Variants in PHTF1 observed in about 807,000 individuals in gnomAD.
The protein encoded by PHTF1 is protein PHTF1.
Under a neutral mutation model 102.4 loss-of-function variants are expected in PHTF1, and 88 were observed. The observed-to-expected ratio is 0.86, with a 90% CI of 0.72 to 1.03. The LOEUF (loss-of-function observed/expected upper bound fraction) is 1.03, where lower values mean the gene tolerates loss of function less well. Ranked by LOEUF, PHTF1 falls within the 50% of genes least tolerant of loss-of-function variation. The pLI, the probability that PHTF1 is intolerant of heterozygous loss-of-function variation, is 0.00. For synonymous variants in PHTF1, 289 were observed against 305.2 expected (o/e 0.95, Z 0.55); for missense variants, 814 against 909.5 (o/e 0.89, Z 1.35).
chr1:113,751,412 T>C (rs6678843), intron 3 of PHTF1, among the ~76,000 whole-genome samples: 92 of 152,332 alleles, frequency 6.0e-4, no homozygotes, highest in African/African-American at 1.9e-3. Flanking sequence ...CCTCAATCCA[T>C]AGGCAACTTT....
intron 3 of PHTF1, among the ~76,000 whole-genome samples, chr1:113,754,218 C>T (rs1433911819): frequency 2.6e-5 from 4 of 152,102 alleles, no homozygotes; most frequent in Non-Finnish European, 5.9e-5. Flanking sequence ...CGAGACCAGC[C>T]TGGACAACAT....
chr1:113,748,895 T>C (rs1343718748), intron 3 of PHTF1, among the ~76,000 whole-genome samples: 1 of 152,226 alleles, frequency 6.6e-6, no homozygotes, highest in Non-Finnish European at 1.5e-5. Context: ...CTATAGTCTA[T>C]TTTTTAAGCA....
chr1:113,726,379 C>T, intron 6 of PHTF1, 39 bp downstream of exon 6: 1 of 1,399,390 alleles, frequency 7.1e-7, no homozygotes, highest in Non-Finnish European at 9.9e-7. Flanking sequence ...AATAACTCTC[C>T]CAGAAAATAT....
At chr1:113,758,870 A>C in intron 1 of PHTF1, 137 bp from the exon 2 acceptor site, 1 of 1,306,418 alleles carries the variant, frequency 7.7e-7, no homozygotes. Flanking sequence ...GGAAAACACA[A>C]CAAACAAACA....
At chr1:113,719,380 T>C (rs1285778235) in intron 7 of PHTF1, among the ~76,000 whole-genome samples, 1 of 152,210 alleles carries the variant, frequency 6.6e-6, no homozygotes, top group African/African-American at 2.4e-5. Flanking sequence ...ATAAAACTGA[T>C]TGCCTTTAAC....
intron 3 of PHTF1, among the ~76,000 whole-genome samples, chr1:113,748,415 C>G (rs895669569): frequency 6.6e-6 from 1 of 152,180 alleles, no homozygotes; most frequent in African/African-American, 2.4e-5. Flanking sequence ...ACATTTCCTG[C>G]ATGAATTGCA....
intron 10 of PHTF1, among the ~76,000 whole-genome samples, chr1:113,710,725 C>T (rs1449793582): frequency 6.6e-6 from 1 of 150,694 alleles, no homozygotes; most frequent in Non-Finnish European, 1.5e-5. Context: ...CAAACTCGGG[C>T]TCAAATGATC....
intron 3 of PHTF1, among the ~76,000 whole-genome samples, chr1:113,751,857 T>C (rs1557975080): frequency 6.6e-6 from 1 of 152,242 alleles, no homozygotes; most frequent in East Asian, 1.9e-4. Flanking sequence ...AGAAGAGTTG[T>C]AGTTCCTCCA....
intron 7 of PHTF1, among the ~76,000 whole-genome samples, chr1:113,718,358 C>T (rs1652397326): frequency 1.3e-5 from 2 of 152,226 alleles, no homozygotes; most frequent in South Asian, 4.1e-4. Flanking sequence ...TCCCTCCTGG[C>T]TGCTTTCACA....
rs774522219 is a variant in PHTF1, at chr1:113,752,385, ATTTTTTTTTTTT to A, written c.102+5302_102+5313del. ...CTTGCCACATTCATTTGTTACTGTAATTTTTTTTTTTTTTTTTTTTTTTTTTTTTTTTGAGAC... is the reference window on the plus strand; with the variant it reads ...CTTGCCACATTCATTTGTTACTGTAATTTTTTTTTTTTTTTTTTTTGAGAC... On this transcript the variant is annotated intron_variant, in intron 3 of 18. Coordinates refer to ENST00000369604, the MANE Select transcript of PHTF1 (RefSeq NM_001323043.2). 9.2e-3 allele frequency among the ~76,000 whole-genome samples: 443 copies of A among 47,896 alleles called. 1 individual carries two copies. The highest frequency in any genetic ancestry group is 0.041 in the South Asian group (62 of 1,518). The allele number at this position is 47,896 out of a possible 152,430, so 31.4% of individuals were successfully genotyped here.
At chr1:113,727,537 G>A (rs12752932) in intron 5 of PHTF1, among the ~76,000 whole-genome samples, 34,507 of 152,128 alleles carry the variant, frequency 0.23, 4,615 homozygotes, top group South Asian at 0.39. Flanking sequence ...TTATCTCAGC[G>A]TTTAGAAGAA....
intron 2 of PHTF1, among the ~76,000 whole-genome samples, chr1:113,758,130 T>C (rs926633866): frequency 6.8e-6 from 1 of 147,254 alleles, no homozygotes; most frequent in African/African-American, 2.5e-5. Context: ...GCGCCTGTGA[T>C]CCCAGCTACT....
chr1:113,758,752 C>A lies in PHTF1; in HGVS notation c.-30-19G>T. ...GATTTCACTGAAAATGAAGGAAAAC[C>A]AATCGGTGAGTCCAGCTGCTGAAGG... On this transcript the variant is annotated intron_variant, in intron 1 of 18. Coordinates refer to ENST00000369604, the MANE Select transcript of PHTF1 (RefSeq NM_001323043.2). 6.3e-7 allele frequency: 1 copy of A among 1,596,712 alleles called. No homozygotes were observed. The highest frequency in any genetic ancestry group is 8.5e-7 in the Non-Finnish European group (1 of 1,172,256).
At chr1:113,702,023 GA>G (rs1046818407) in intron 15 of PHTF1, among the ~76,000 whole-genome samples, 2 of 151,796 alleles carry the variant, frequency 1.3e-5, no homozygotes, top group Non-Finnish European at 2.9e-5. Context: ...AAAAGCAATG[GA>G]AAAGGTAAAT....
intron 3 of PHTF1, among the ~76,000 whole-genome samples, chr1:113,749,280 T>G (rs1373478177): frequency 6.6e-6 from 1 of 152,204 alleles, no homozygotes; most frequent in Non-Finnish European, 1.5e-5. Context: ...CATTTATAAT[T>G]AACAGTCACT....
chr1:113,737,211 A>C (rs1364227618), intron 5 of PHTF1, among the ~76,000 whole-genome samples: 1 of 152,212 alleles, frequency 6.6e-6, no homozygotes, highest in Non-Finnish European at 1.5e-5. Flanking sequence ...TTTCACCTGA[A>C]TACTGGGTGA....
chr1:113,729,188 T>C (rs1007524726), intron 5 of PHTF1, among the ~76,000 whole-genome samples: 1 of 152,204 alleles, frequency 6.6e-6, no homozygotes, highest in Non-Finnish European at 1.5e-5. Context: ...AAACTTCACA[T>C]GTTCTCACTT....
intron 7 of PHTF1, among the ~76,000 whole-genome samples, chr1:113,720,201 G>T (rs1316818781): frequency 2.0e-5 from 3 of 152,040 alleles, no homozygotes; most frequent in African/African-American, 7.3e-5. Context: ...AAGAGTTAAA[G>T]GTCATTATAT....
Position 113,698,428 on chromosome 1 carries a change from T to C in PHTF1, c.2143-41A>G, listed in dbSNP as rs375965495. The C allele has an allele frequency of 2.9e-5, 46 of 1,591,570 alleles. No homozygotes were observed. The African/African-American group carries it at 5.6e-4, about 20-fold the overall frequency. On this transcript the variant is annotated intron_variant, in intron 17 of 18. Transcript: ENST00000369604. ...AAGAATTGAAATGAGATACATGTTT[T>C]CTCATAGCTACTCAGTGACTTCTTG...
Sources: gnomAD v4.1 joint callset for allele counts (sites outside exome capture counted in the v4.1 genomes callset) on GRCh38, gnomAD v4.1.1 for gene constraint, MANE v1.5 for transcripts, NCBI Gene and HGNC (gene_info 2026-07-23, HGNC 2026-07-21) for gene names.